MAN2A1: variants seen among roughly 807,000 people sequenced by gnomAD.
MAN2A1 encodes mannosidase alpha class 2A member 1.
Under a neutral mutation model 142.6 loss-of-function variants are expected in MAN2A1, and 76 were observed. The observed-to-expected ratio is 0.53, with a 90% CI of 0.44 to 0.65. The LOEUF (loss-of-function observed/expected upper bound fraction) is 0.65, where lower values mean the gene tolerates loss of function less well. Ranked by LOEUF, MAN2A1 falls within the 30% of genes least tolerant of loss-of-function variation. MAN2A1 has a pLI of 0.00. For missense variants in MAN2A1, 1,311 were observed against 1,365.1 expected (o/e 0.96, Z 0.62); for synonymous variants, 559 against 473.2 (o/e 1.18, Z -2.35).
At chr5:109,745,717 A>C (rs1031245190) in intron 4 of MAN2A1, among the ~76,000 whole-genome samples, 3 of 152,176 alleles carry the variant, frequency 2.0e-5, no homozygotes, top group East Asian at 1.9e-4. Context: ...CTCCGGGCTC[A>C]AGTGATACTC....
chr5:109,866,142 A>T (rs1755876519), intron 21 of MAN2A1, among the ~76,000 whole-genome samples: 1 of 152,104 alleles, frequency 6.6e-6, no homozygotes, highest in South Asian at 2.1e-4. Flanking sequence ...GAAAGCACTG[A>T]TATTTTTATT....
At chr5:109,717,788 A>G (rs527885754) in intron 3 of MAN2A1, among the ~76,000 whole-genome samples, 7 of 152,198 alleles carry the variant, frequency 4.6e-5, no homozygotes, top group Non-Finnish European at 1.0e-4. Flanking sequence ...ATACAGGTGG[A>G]GTAACATCTT....
At chr5:109,821,736 TTGAC>T (rs1754628406) in intron 15 of MAN2A1, among the ~76,000 whole-genome samples, 1 of 152,138 alleles carries the variant, frequency 6.6e-6, no homozygotes, top group African/African-American at 2.4e-5. Context: ...TTTCTATTCT[TTGAC>T]TGTTTTTCTG....
chr5:109,740,683 C>A (rs796841048), intron 4 of MAN2A1, among the ~76,000 whole-genome samples: 3 of 152,088 alleles, frequency 2.0e-5, no homozygotes, highest in Non-Finnish European at 2.9e-5. Context: ...TTTGCCTCAG[C>A]CCTTGGCCCT....
intron 8 of MAN2A1, among the ~76,000 whole-genome samples, chr5:109,779,179 T>C (rs1753378694): frequency 1.3e-5 from 2 of 152,160 alleles, no homozygotes; most frequent in South Asian, 2.1e-4. Context: ...CCCTTAAAGA[T>C]TGAATTAAGT....
Position 109,765,445 on chromosome 5 carries a change from C to A in MAN2A1, c.836-2090C>A, listed in dbSNP as rs967564298. On this transcript the variant is annotated intron_variant, in intron 5 of 21. Coordinates refer to ENST00000261483, the MANE Select transcript of MAN2A1 (RefSeq NM_002372.4). Reference sequence around the variant, plus strand: ...GTAATGTGATGTCCCATTGTCCTCACTGCATCATATCAGGAGGCATGTGAT... The same window carrying A: ...GTAATGTGATGTCCCATTGTCCTCAATGCATCATATCAGGAGGCATGTGAT... 2.0e-5 allele frequency among the ~76,000 whole-genome samples: 3 copies of A among 152,160 alleles called. No individual in the cohort carries two copies. The East Asian group carries it at 5.8e-4, about 29-fold the overall frequency.
intron 12 of MAN2A1, among the ~76,000 whole-genome samples, chr5:109,810,545 A>G (rs1043625261): frequency 1.3e-5 from 2 of 152,162 alleles, no homozygotes; most frequent in Non-Finnish European, 2.9e-5. Flanking sequence ...AGTATTTGGC[A>G]CTTGTCGTAA....
intron 16 of MAN2A1, among the ~76,000 whole-genome samples, chr5:109,834,888 T>C (rs1245487811): frequency 6.6e-6 from 1 of 152,148 alleles, no homozygotes; most frequent in Non-Finnish European, 1.5e-5. Context: ...GAATGGTAAA[T>C]TGAGTGAGTC....
chr5:109,837,333 C>A (rs1328974383), intron 16 of MAN2A1, among the ~76,000 whole-genome samples: 2 of 151,842 alleles, frequency 1.3e-5, no homozygotes, highest in Admixed American at 6.6e-5. Context: ...TTATTTCACT[C>A]AAATAGCTCT....
chr5:109,757,754 T>C (rs1260079501), intron 5 of MAN2A1, among the ~76,000 whole-genome samples: 1 of 152,164 alleles, frequency 6.6e-6, no homozygotes, highest in Admixed American at 6.6e-5. Flanking sequence ...TCTGTATATA[T>C]GGATTGGACT....
intron 4 of MAN2A1, among the ~76,000 whole-genome samples, chr5:109,733,669 G>C (rs1034052072): frequency 3.4e-4 from 52 of 152,162 alleles, no homozygotes; most frequent in African/African-American, 1.2e-3. Context: ...TACATTTATT[G>C]ATTAGCGTAT....
At chr5:109,731,801 G>A (rs1751920669) in intron 4 of MAN2A1, among the ~76,000 whole-genome samples, 2 of 150,742 alleles carry the variant, frequency 1.3e-5, no homozygotes, top group South Asian at 4.2e-4. Context: ...TTGCTATTGT[G>A]AATAGTGCCG....
rs368171010 is a variant in MAN2A1, at chr5:109,695,365, G to T, written c.135+4813G>T. On this transcript the variant is annotated intron_variant, in intron 1 of 21. Transcript: ENST00000261483. ...CTTAGCTTTTAATTTGCATTAAGAG[G>T]TGTCTGGGCTGTGGGCAAAATAGTG... Among the ~76,000 whole-genome samples the T allele has an allele frequency of 9.8e-5, 15 of 152,304 alleles. No homozygotes were observed. The East Asian group carries it at 1.9e-3, about 20-fold the overall frequency.
chr5:109,792,294 A>G (rs11953031), intron 12 of MAN2A1, among the ~76,000 whole-genome samples: 1 of 151,926 alleles, frequency 6.6e-6, no homozygotes, highest in African/African-American at 2.4e-5. Flanking sequence ...TATTCCTTAA[A>G]TTTCATCACT....
intron 19 of MAN2A1, among the ~76,000 whole-genome samples, chr5:109,851,626 C>G (rs1378709647): frequency 6.6e-6 from 1 of 152,138 alleles, no homozygotes; most frequent in East Asian, 1.9e-4. Context: ...GAATAAACTT[C>G]TTTTATAGAT....
At chr5:109,705,719 T>C (rs949284048) in intron 1 of MAN2A1, among the ~76,000 whole-genome samples, 18 of 152,218 alleles carry the variant, frequency 1.2e-4, no homozygotes, top group African/African-American at 4.1e-4. Context: ...CAGGCCCTAC[T>C]GGACTAAAAT....
intron 3 of MAN2A1, among the ~76,000 whole-genome samples, chr5:109,721,730 A>C (rs1415268161): frequency 6.6e-6 from 1 of 152,206 alleles, no homozygotes; most frequent in East Asian, 1.9e-4. Flanking sequence ...TTCTTTGAGG[A>C]GCACATATGT....
At chr5:109,823,098 A>G (rs991729302) in intron 15 of MAN2A1, among the ~76,000 whole-genome samples, 4 of 152,228 alleles carry the variant, frequency 2.6e-5, no homozygotes, top group African/African-American at 9.6e-5. Context: ...ATTTGCTTCC[A>G]TGTCACATAA....
intron 1 of MAN2A1, among the ~76,000 whole-genome samples, chr5:109,710,688 A>G (rs1287566200): frequency 6.7e-6 from 1 of 149,548 alleles, no homozygotes; most frequent in East Asian, 1.9e-4. Flanking sequence ...TTTTTTTATT[A>G]TTTACCTATT....
Sources: allele counts gnomAD v4.1 joint callset (sites outside exome capture counted in the v4.1 genomes callset), GRCh38; gene constraint gnomAD v4.1.1; transcripts MANE v1.5; gene names NCBI Gene and HGNC (gene_info 2026-07-23, HGNC 2026-07-21).